CLSTN2: variants seen among roughly 807,000 people sequenced by gnomAD.
CLSTN2 encodes calsyntenin-2.
In CLSTN2, 48 loss-of-function variants were observed where a neutral mutation model predicts 101.2. The ratio of observed to expected loss-of-function variants is 0.47; its 90% confidence interval spans 0.38 to 0.60. CLSTN2 has a LOEUF of 0.60. Among genes scored for constraint, CLSTN2 ranks in the 20% least tolerant of loss-of-function variants. CLSTN2 has a pLI of 0.00. For synonymous variants in CLSTN2, 481 were observed against 463.6 expected, an observed-to-expected ratio of 1.04 and a Z score of -0.48; for missense variants, 1,160 against 1,238.2, an observed-to-expected ratio of 0.94 and a Z score of 0.95.
At chr3:140,309,184 A>G (rs148162503) in intron 2 of CLSTN2, among the ~76,000 whole-genome samples, 1 of 152,308 alleles carries the variant, frequency 6.6e-6, no homozygotes, top group Non-Finnish European at 1.5e-5. Flanking sequence ...AAGTGAGACA[A>G]AGCAGAAGTA....
At chr3:139,987,923 C>T (rs761842724) in intron 1 of CLSTN2, among the ~76,000 whole-genome samples, 20 of 152,072 alleles carry the variant, frequency 1.3e-4, no homozygotes, top group Non-Finnish European at 2.2e-4. Context: ...ACCACAGTGA[C>T]GAGACAAGAC....
intron 8 of CLSTN2, among the ~76,000 whole-genome samples, chr3:140,501,747 T>C (rs948866440): frequency 6.6e-6 from 1 of 152,238 alleles, no homozygotes; most frequent in Non-Finnish European, 1.5e-5. Context: ...TTTTTCTTTT[T>C]CTTTCTTGAG....
At chr3:140,336,418 T>C (rs2087440108) in intron 2 of CLSTN2, among the ~76,000 whole-genome samples, 1 of 152,168 alleles carries the variant, frequency 6.6e-6, no homozygotes, top group African/African-American at 2.4e-5. Flanking sequence ...GAGGCTGGAC[T>C]ATGGTTAAGG....
chr3:140,198,828 G>C (rs2010682178), intron 2 of CLSTN2, among the ~76,000 whole-genome samples: 2 of 152,236 alleles, frequency 1.3e-5, no homozygotes, highest in South Asian at 4.2e-4. Context: ...TTAGCCTGTG[G>C]GTTGTGGCCT....
At chr3:140,197,501 G>A (rs1040187217) in intron 2 of CLSTN2, among the ~76,000 whole-genome samples, 2 of 152,204 alleles carry the variant, frequency 1.3e-5, no homozygotes, top group African/African-American at 4.8e-5. Flanking sequence ...GAGAAGTTAA[G>A]TGACTTGCTG....
chr3:140,528,636 C>CAAAAAAAAAAAAAAAAAAAA (rs3057900), intron 8 of CLSTN2, among the ~76,000 whole-genome samples: 1 of 148,976 alleles, frequency 6.7e-6, no homozygotes, highest in African/African-American at 2.5e-5. Context: ...GTGCCTCTGA[C>CAAAAAAAAAAAAAAAAAAAA]AAAAAAAAGA....
chr3:140,557,622 C>A (rs1238022842), intron 11 of CLSTN2, among the ~76,000 whole-genome samples: 1 of 152,174 alleles, frequency 6.6e-6, no homozygotes, highest in Non-Finnish European at 1.5e-5. Context: ...GCCACCACAG[C>A]TCCCACATTT....
In CLSTN2 at chr3:140,464,172, C is replaced by T. The variant is rs545530342; in HGVS notation, c.1223-2438C>T. The stretch of plus-strand genomic sequence containing the variant: ...TTCTTTTCCTCTCATCCATATTCCC[C>T]TACCTCTGACCATGTTTAGAGCTAG... On this transcript the variant is annotated intron_variant, in intron 7 of 16. Transcript: ENST00000458420. 2.0e-5 allele frequency among the ~76,000 whole-genome samples: 3 copies of T among 152,312 alleles called. No homozygotes were observed. In the South Asian group the frequency reaches 6.2e-4, roughly 32 times the overall value.
rs1198957744 is a variant in CLSTN2, at chr3:140,571,643, A to G, written c.*5390A>G. The G allele has an allele frequency of 6.6e-6, 1 of 152,268 alleles. No individual in the cohort carries two copies. The highest frequency in any genetic ancestry group is 1.9e-4 in the East Asian group (1 of 5,202). The allele number at this position is 152,268 out of a possible 1,614,324, so 9.4% of individuals were successfully genotyped here. On this transcript the variant is annotated 3_prime_UTR_variant, in exon 17 of 17. Transcript: ENST00000458420. ...TAACCACTTTCCATTGTCCAGCTGC[A>G]GGCAAAAGAAATGAGCAATGAAAGT...
At chr3:140,406,353 A>C (rs1471121702) in intron 4 of CLSTN2, among the ~76,000 whole-genome samples, 2 of 151,478 alleles carry the variant, frequency 1.3e-5, no homozygotes, top group Non-Finnish European at 1.5e-5. Flanking sequence ...ACTAATATTC[A>C]TAAGACAGAA....
intron 5 of CLSTN2, 27 bp from the exon 6 acceptor site, chr3:140,448,492 C>A: frequency 6.3e-7 from 1 of 1,588,804 alleles, no homozygotes; most frequent in Non-Finnish European, 8.6e-7. Context: ...ACCTGATTCA[C>A]TTTTCATCCT....
intron 8 of CLSTN2, among the ~76,000 whole-genome samples, chr3:140,498,583 T>G (rs1934512848): frequency 6.6e-6 from 1 of 152,254 alleles, no homozygotes; most frequent in African/African-American, 2.4e-5. Flanking sequence ...GTATTGATTT[T>G]ATTTTCACAC....
At position 140,421,224 on chromosome 3, in the gene CLSTN2, A is replaced by G; in HGVS notation, c.737A>G (p.Asp246Gly). 6.2e-7 allele frequency: 1 copy of G among 1,614,184 alleles called. No individual in the cohort carries two copies. Among genetic ancestry groups the G allele is most frequent in the South Asian group, 1.1e-5 (1 of 91,086 alleles). ...YDCGQKPAAQ[D>G]TLVQVDVKPV... is the part of the protein sequence containing the mutation. Reference sequence around the variant, plus strand: ...TGTGGACAGAAGCCCGCTGCTCAGGACACCCTGGTGCAGGTGGATGTGAAG... The same window carrying G: ...TGTGGACAGAAGCCCGCTGCTCAGGGCACCCTGGTGCAGGTGGATGTGAAG... Residue 246 changes from aspartate to glycine, a missense_variant, in exon 5 of 17, where the codon GAC becomes GGC. Transcript: ENST00000458420.
chr3:140,194,134 GA>G (rs1418469755), intron 2 of CLSTN2, among the ~76,000 whole-genome samples: 2 of 152,128 alleles, frequency 1.3e-5, no homozygotes, highest in Non-Finnish European at 2.9e-5. Flanking sequence ...TAGGGTGCTA[GA>G]ACAGAATACC....
In CLSTN2 at chr3:140,311,595, C is replaced by T. The variant is rs146446678; in HGVS notation, c.233-92034C>T. On this transcript the variant is annotated intron_variant, in intron 2 of 16. Transcript: ENST00000458420. ...TGCTGTGATGACAGGCGTGAGCCAC[C>T]GCGCCCGGCCAGATTTATGATACTT... Among the ~76,000 whole-genome samples the T allele has an allele frequency of 1.5e-3, 224 of 151,610 alleles. 1 individual carries two copies. In the East Asian group the frequency reaches 0.017, roughly 12 times the overall value.
At chr3:140,221,983 A>C (rs4589893) in intron 2 of CLSTN2, among the ~76,000 whole-genome samples, 4 of 151,916 alleles carry the variant, frequency 2.6e-5, no homozygotes, top group Non-Finnish European at 5.9e-5. Flanking sequence ...TCCCCAAAGA[A>C]AGGAAATCAG....
At chr3:140,470,161 C>T (rs1268502012) in intron 8 of CLSTN2, among the ~76,000 whole-genome samples, 1 of 152,228 alleles carries the variant, frequency 6.6e-6, no homozygotes, top group Non-Finnish European at 1.5e-5. Flanking sequence ...TCGCTTATTT[C>T]TTTATTCAGC....
At chr3:140,171,748 A>T (rs796849399) in intron 1 of CLSTN2, among the ~76,000 whole-genome samples, 1 of 102,954 alleles carries the variant, frequency 9.7e-6, no homozygotes, top group Admixed American at 1.4e-4. Context: ...TTAATATATA[A>T]TATGTATAAT....
At chr3:140,274,745 A>G (rs1345942445) in intron 2 of CLSTN2, among the ~76,000 whole-genome samples, 1 of 149,402 alleles carries the variant, frequency 6.7e-6, no homozygotes, top group East Asian at 1.9e-4. Flanking sequence ...ATGTGAAGAA[A>G]GAGGAAAGGC....
Sources: gnomAD v4.1 joint callset for allele counts (sites outside exome capture counted in the v4.1 genomes callset) on GRCh38, gnomAD v4.1.1 for gene constraint, MANE v1.5 for transcripts, NCBI Gene and HGNC (gene_info 2026-07-23, HGNC 2026-07-21) for gene names.